IKBKG: variants seen among roughly 807,000 people sequenced by gnomAD.
IKBKG encodes the protein inhibitor of nuclear factor kappa B kinase regulatory subunit gamma, also known as NF-kappa-B essential modulator.
A neutral mutation model predicts 13.7 loss-of-function variants in IKBKG; 2 were observed. That is an observed-to-expected ratio of 0.15 (90% CI 0.06 to 0.46). The LOEUF is 0.46. Ranked by LOEUF, IKBKG falls within the 20% of genes least tolerant of loss-of-function variation. The pLI, the probability that IKBKG is intolerant of heterozygous loss-of-function variation, is 0.98. For missense variants in IKBKG, 53 were observed against 150.3 expected (o/e 0.35, Z 3.39); for synonymous variants, 22 against 64.4 (o/e 0.34, Z 3.15).
At chrX:154,543,968 C>T (rs189112356), upstream of IKBKG, among the ~76,000 whole-genome samples, 51 of 108,326 alleles carry the variant, frequency 4.7e-4, no homozygotes, top group East Asian at 0.01. Context: ...CCCGAGTTCA[C>T]GCCTTTCTCC....
At chrX:154,549,023 C>T (rs1557234402) in intron 1 of IKBKG, among the ~76,000 whole-genome samples, 1 of 98,171 alleles carries the variant, frequency 1.0e-5, no homozygotes, top group East Asian at 3.1e-4. Context: ...GACAGAATCT[C>T]GCTCTGTCAC....
chrX:154,553,957 T>C (rs782069646), intron 2 of IKBKG, among the ~76,000 whole-genome samples: 1 of 112,136 alleles, frequency 8.9e-6, no homozygotes, highest in African/African-American at 3.2e-5. Flanking sequence ...TATGGCGCCC[T>C]TGCTTCCCTT....
upstream of IKBKG, chrX:154,546,781 C>T (rs1335366671): frequency 2.6e-6 from 3 of 1,155,627 alleles, no homozygotes; most frequent in East Asian, 3.3e-5. Context: ...GCCCGCCCGG[C>T]CGGTTACCTG....
At chrX:154,545,008 G>A (rs1385470857), upstream of IKBKG, among the ~76,000 whole-genome samples, 1 of 111,950 alleles carries the variant, frequency 8.9e-6, no homozygotes, top group Non-Finnish European at 1.9e-5. Context: ...ATTCTTGAGT[G>A]CATCCAGGGT....
chrX:154,551,984 T>C lies in IKBKG; in HGVS notation c.-15-4T>C. On this transcript the variant is annotated splice_polypyrimidine_tract_variant and splice_region_variant and intron_variant, in intron 1 of 9. Coordinates refer to ENST00000594239, the MANE Select transcript of IKBKG (RefSeq NM_001099857.5). ...GTGACTCCCCTGCTGCCTTTCTCTTTCAGCCCTTGCCCTGTTGGATGAATA... is the reference window on the plus strand; with the variant it reads ...GTGACTCCCCTGCTGCCTTTCTCTTCCAGCCCTTGCCCTGTTGGATGAATA... 9.5e-7 allele frequency: 1 copy of C among 1,054,435 alleles called. No homozygotes were observed. The highest frequency in any genetic ancestry group is 1.9e-5 in the African/African-American group (1 of 53,184). 86.9% of individuals were successfully genotyped at this position (1,054,435 alleles called of 1,213,427 possible). A position where few individuals can be genotyped will look rare whatever the true frequency, so the allele number is the denominator to read the frequency against.
rs1258939220 is a variant in IKBKG at position 154,548,077 on chromosome X, GT to G, written c.-16+335del. On this transcript the variant is annotated intron_variant, in intron 1 of 9. Transcript: ENST00000594239. ...ATTCTTCGGAAATGCCTCACATATA[GT>G]TTGGCAGCTAGGTATCTGATTTCAT... The G allele has an allele frequency of 4.0e-6, 3 of 754,076 alleles. No homozygotes were observed. The African/African-American group carries it at 6.9e-5, about 17-fold the overall frequency. 62.1% of individuals were successfully genotyped at this position (754,076 alleles called of 1,213,427 possible).
upstream of IKBKG, among the ~76,000 whole-genome samples, chrX:154,543,369 G>A (rs2515910): frequency 9.6e-4 from 108 of 112,508 alleles, 2 homozygotes; most frequent in South Asian, 0.019. Flanking sequence ...GCTTGGAAAA[G>A]CCTAAGGACC....
chrX:154,552,424 C>T (rs919172762), intron 2 of IKBKG, among the ~76,000 whole-genome samples: 10 of 111,867 alleles, frequency 8.9e-5, no homozygotes, highest in African/African-American at 2.9e-4. Flanking sequence ...GGGAGAAGCA[C>T]GCTGCCGGGT....
At chrX:154,543,569 A>G (rs2070589794), upstream of IKBKG, among the ~76,000 whole-genome samples, 1 of 112,320 alleles carries the variant, frequency 8.9e-6, no homozygotes, top group African/African-American at 3.2e-5. Flanking sequence ...TTGTGACAGC[A>G]TGGGGTGGGG....
At chrX:154,543,319 G>A (rs1027471664), upstream of IKBKG, among the ~76,000 whole-genome samples, 4 of 112,572 alleles carry the variant, frequency 3.6e-5, no homozygotes, top group Admixed American at 2.8e-4. Flanking sequence ...TGCCCAACCC[G>A]AAGCTGGCCA....
upstream of IKBKG, among the ~76,000 whole-genome samples, chrX:154,545,206 A>G (rs2070663172): frequency 9.0e-6 from 1 of 110,887 alleles, no homozygotes; most frequent in Non-Finnish European, 1.9e-5. Context: ...TGTCTTTCCT[A>G]TGAGTGCAGA....
chrX:154,547,701 T>A lies in IKBKG; in HGVS notation c.-60T>A. 1.3e-6 allele frequency: 1 copy of A among 754,965 alleles called. No homozygotes were observed. Among genetic ancestry groups the A allele is most frequent in the Non-Finnish European group, 1.6e-6 (1 of 639,478 alleles). 62.2% of individuals were successfully genotyped at this position (754,965 alleles called of 1,213,427 possible). A position where few individuals can be genotyped will look rare whatever the true frequency, so the allele number is the denominator to read the frequency against. ...GCCGGGGCCCTACCAGCGTTCACAG[T>A]CCGCCGCTCCCACCCTTCTCACGTC... On this transcript the variant is annotated 5_prime_UTR_variant, in exon 1 of 10. Coordinates refer to ENST00000594239, the MANE Select transcript of IKBKG (RefSeq NM_001099857.5).
chrX:154,553,540 C>T (rs782592077), intron 2 of IKBKG, among the ~76,000 whole-genome samples: 3 of 112,358 alleles, frequency 2.7e-5, no homozygotes, highest in African/African-American at 6.5e-5. Flanking sequence ...GTCTCCTCGA[C>T]GGTGAGGCTG....
intron 1 of IKBKG, among the ~76,000 whole-genome samples, chrX:154,549,767 A>G (rs2070876590): frequency 9.0e-6 from 1 of 111,334 alleles, no homozygotes; most frequent in Non-Finnish European, 1.9e-5. Flanking sequence ...CTCCCCAGCA[A>G]TCTTTAATCC....
At chrX:154,549,269 C>T (rs1321267514) in intron 1 of IKBKG, among the ~76,000 whole-genome samples, 1 of 109,946 alleles carries the variant, frequency 9.1e-6, no homozygotes, top group African/African-American at 3.3e-5. Context: ...GCATGAGCCA[C>T]CGCGCCCGGC....
chrX:154,546,113 T>C, upstream of IKBKG: 2 of 1,211,913 alleles, frequency 1.7e-6, no homozygotes, highest in Non-Finnish European at 2.2e-6. Context: ...TCCCGCAGGA[T>C]CCCGCACACC....
At chrX:154,551,883 AATTATCAGC>A in intron 1 of IKBKG, 96 bp from the exon 2 acceptor site, 1 of 592,484 alleles carries the variant, frequency 1.7e-6, no homozygotes, top group Non-Finnish European at 2.4e-6. Flanking sequence ...ACACTAGGTG[AATTATCAGC>A]ATTCTGTTTA....
At chrX:154,552,993 C>T (rs1188063319) in intron 2 of IKBKG, among the ~76,000 whole-genome samples, 1 of 112,533 alleles carries the variant, frequency 8.9e-6, no homozygotes, top group East Asian at 2.8e-4. Flanking sequence ...TGGCACCCGC[C>T]ATATACTCTT....
rs782418204 is a variant in IKBKG, at chrX:154,553,746, C to T, written c.187+1557C>T. 3.5e-5 allele frequency among the ~76,000 whole-genome samples: 4 copies of T among 112,854 alleles called. No homozygotes were observed. The South Asian group carries it at 1.4e-3, about 41-fold the overall frequency. On this transcript the variant is annotated intron_variant, in intron 2 of 9. Coordinates refer to ENST00000594239, the MANE Select transcript of IKBKG (RefSeq NM_001099857.5). ...CCTGTTGTGACAACTAACAATATCC[C>T]CAGATATTTATTGCCAAATGACCCC...
Sources: gnomAD v4.1 joint callset for allele counts (sites outside exome capture counted in the v4.1 genomes callset) on GRCh38, gnomAD v4.1.1 for gene constraint, MANE v1.5 for transcripts, NCBI Gene and HGNC (gene_info 2026-07-23, HGNC 2026-07-21) for gene names.